Variants in FAM110B observed in about 807,000 individuals in gnomAD.
FAM110B encodes protein FAM110B.
A neutral mutation model predicts 20.4 loss-of-function variants in FAM110B; 6 were observed. The observed-to-expected ratio is 0.29, with a 90% confidence interval of 0.16 to 0.58. FAM110B has a LOEUF of 0.58. Ranked by LOEUF, FAM110B falls within the 20% of genes least tolerant of loss-of-function variation. The pLI is 0.90. For synonymous variants in FAM110B, 226 were observed against 214.1 expected, an observed-to-expected ratio of 1.06 and a Z score of -0.49; for missense variants, 434 against 498.2, an observed-to-expected ratio of 0.87 and a Z score of 1.23.
intron 1 of FAM110B, among the ~76,000 whole-genome samples, chr8:58,025,449 A>G (rs1216279572): frequency 2.0e-5 from 3 of 152,186 alleles, no homozygotes; most frequent in Non-Finnish European, 4.4e-5. Context: ...AAATGGGGAC[A>G]TTGGTAGATG....
chr8:58,105,666 T>C (rs1022562718), intron 3 of FAM110B, among the ~76,000 whole-genome samples: 2 of 148,634 alleles, frequency 1.3e-5, no homozygotes, highest in Non-Finnish European at 3.0e-5. Flanking sequence ...CCTCCCAGGT[T>C]CACGCCATTC....
intron 3 of FAM110B, among the ~76,000 whole-genome samples, chr8:58,099,614 C>T (rs926405178): frequency 6.6e-6 from 1 of 152,174 alleles, no homozygotes; most frequent in East Asian, 1.9e-4. Context: ...CCCATCTGGG[C>T]AGATTTAGTA....
chr8:57,995,488 A>G (rs188595421), intron 1 of FAM110B, among the ~76,000 whole-genome samples: 8 of 152,252 alleles, frequency 5.3e-5, no homozygotes, highest in Admixed American at 2.6e-4. Context: ...TCGTGTCTCC[A>G]TCACCCAGCG....
chr8:58,046,270 A>G (rs776307528), intron 2 of FAM110B, among the ~76,000 whole-genome samples: 4 of 152,202 alleles, frequency 2.6e-5, no homozygotes, highest in Non-Finnish European at 5.9e-5. Flanking sequence ...AAAACCAACC[A>G]TTACTATATA....
chr8:58,064,518 T>C (rs1308105071), intron 2 of FAM110B, among the ~76,000 whole-genome samples: 1 of 152,182 alleles, frequency 6.6e-6, no homozygotes, highest in Non-Finnish European at 1.5e-5. Context: ...TTCATCTGGG[T>C]TGTGCTCAGG....
Position 58,006,923 on chromosome 8 carries a change from A to ATATATTTTTTTTTT in FAM110B, c.-512+12118_-512+12119insATATTTTTTTTTTT. On this transcript the variant is annotated intron_variant, in intron 1 of 3. Transcript: ENST00000519262. ...TTGGTATATATATATATATATATAT[A>ATATATTTTTTTTTT]TTTTTCCAAAACCAGAGTTTGCATT... is the stretch of plus-strand genomic sequence containing the variant. Among the ~76,000 whole-genome samples the ATATATTTTTTTTTT allele has an allele frequency of 1.3e-3, 170 of 126,526 alleles. 1 individual carries two copies. The highest frequency in any genetic ancestry group is 4.7e-3 in the African/African-American group (154 of 32,924). The allele number at this position is 126,526 out of a possible 152,430, so 83.0% of individuals were successfully genotyped here. A position where few individuals can be genotyped will look rare whatever the true frequency, so the allele number is the denominator to read the frequency against.
chr8:58,041,502 G>A (rs1290869828), intron 2 of FAM110B, among the ~76,000 whole-genome samples: 2 of 152,170 alleles, frequency 1.3e-5, no homozygotes, highest in African/African-American at 2.4e-5. Context: ...GTTCTTTGCT[G>A]ATTCTGTCTC....
At chr8:58,038,220 C>T (rs1337161512) in intron 2 of FAM110B, among the ~76,000 whole-genome samples, 1 of 152,176 alleles carries the variant, frequency 6.6e-6, no homozygotes, top group African/African-American at 2.4e-5. Flanking sequence ...ACTGCTTACT[C>T]TAAATTAGGT....
chr8:58,032,648 G>C (rs1804990066), intron 2 of FAM110B: 1 of 152,138 alleles, frequency 6.6e-6, no homozygotes, highest in South Asian at 2.1e-4. Flanking sequence ...TCTATGAGTT[G>C]GGGGCCACTG....
chr8:58,039,454 A>C (rs1328928633), intron 2 of FAM110B, among the ~76,000 whole-genome samples: 1 of 152,166 alleles, frequency 6.6e-6, no homozygotes, highest in Non-Finnish European at 1.5e-5. Context: ...TTTGCTTTTC[A>C]ACTTCTCACC....
intron 3 of FAM110B, among the ~76,000 whole-genome samples, chr8:58,126,987 A>G (rs1807524416): frequency 6.6e-6 from 1 of 152,198 alleles, no homozygotes; most frequent in Non-Finnish European, 1.5e-5. Context: ...CACAGATCCT[A>G]AAGATTTTCT....
chr8:58,069,347 C>T lies in FAM110B; in HGVS notation c.-413-6188C>T, dbSNP rs189711120. ...TTACAGCTCATTGGCAGTAACTCTT[C>T]GAGGTGGCTCCTATCATTGTCTTAG... On this transcript the variant is annotated intron_variant, in intron 2 of 3. Coordinates refer to ENST00000519262, the MANE Select transcript of FAM110B (RefSeq NM_001377989.1). 3.6e-3 allele frequency among the ~76,000 whole-genome samples: 548 copies of T among 152,302 alleles called. 3 individuals carry two copies. Among genetic ancestry groups the T allele is most frequent in the African/African-American group, 0.013 (529 of 41,568 alleles).
chr8:58,078,437 AG>A (rs1806091744), intron 3 of FAM110B, among the ~76,000 whole-genome samples: 1 of 152,186 alleles, frequency 6.6e-6, no homozygotes, highest in Non-Finnish European at 1.5e-5. Context: ...ATAAGCTTGA[AG>A]ACTTCCTTTG....
At chr8:58,009,829 T>C (rs1403434741) in intron 1 of FAM110B, among the ~76,000 whole-genome samples, 1 of 152,220 alleles carries the variant, frequency 6.6e-6, no homozygotes, top group Non-Finnish European at 1.5e-5. Flanking sequence ...ATAATTCTAC[T>C]AAGAACAAAT....
chr8:58,108,675 T>G (rs1200152908), intron 3 of FAM110B, among the ~76,000 whole-genome samples: 2 of 152,244 alleles, frequency 1.3e-5, no homozygotes, highest in Non-Finnish European at 2.9e-5. Context: ...CGCCAGCTCC[T>G]GCTCCTCCTG....
At chr8:58,001,818 A>T (rs923574316) in intron 1 of FAM110B, among the ~76,000 whole-genome samples, 6 of 152,164 alleles carry the variant, frequency 3.9e-5, no homozygotes, top group African/African-American at 1.4e-4. Context: ...TATACCTTGT[A>T]TTAGTGAGAG....
intron 2 of FAM110B, among the ~76,000 whole-genome samples, chr8:58,070,945 T>C (rs760402853): frequency 1.2e-4 from 18 of 152,200 alleles, no homozygotes; most frequent in Admixed American, 3.3e-4. Context: ...AGGGTTAACA[T>C]ATCCCATTCT....
chr8:58,109,529 C>CT (rs978794668), intron 3 of FAM110B, among the ~76,000 whole-genome samples: 1 of 151,954 alleles, frequency 6.6e-6, no homozygotes, highest in African/African-American at 2.4e-5. Flanking sequence ...AAGTTTTTTT[C>CT]TTTTTTTCTT....
chr8:58,041,657 C>T (rs1175632258), intron 2 of FAM110B, among the ~76,000 whole-genome samples: 1 of 152,212 alleles, frequency 6.6e-6, no homozygotes, highest in Non-Finnish European at 1.5e-5. Context: ...GTAAAATTCA[C>T]TCACTACAGT....
Sources: allele counts gnomAD v4.1 joint callset (sites outside exome capture counted in the v4.1 genomes callset), GRCh38; gene constraint gnomAD v4.1.1; transcripts MANE v1.5; gene names NCBI Gene and HGNC (gene_info 2026-07-23, HGNC 2026-07-21).